The following ROBO2 variants were observed in gnomAD, a reference collection of about 807,000 sequenced individuals.
The protein encoded by ROBO2 is roundabout guidance receptor 2.
Under a neutral mutation model 160.8 loss-of-function variants are expected in ROBO2, and 53 were observed. That is an observed-to-expected ratio of 0.33 (90% CI 0.26 to 0.41). ROBO2 has a LOEUF of 0.41. ROBO2 is among the 10% of genes least tolerant of loss of function. ROBO2 has a pLI of 1.00. For missense variants in ROBO2, 1,577 were observed against 1,722.4 expected, an observed-to-expected ratio of 0.92 and a Z score of 1.49; for synonymous variants, 664 against 611.7, an observed-to-expected ratio of 1.09 and a Z score of -1.26.
At chr3:76,243,771 T>C (rs779289256) in intron 2 of ROBO2, among the ~76,000 whole-genome samples, 29 of 152,294 alleles carry the variant, frequency 1.9e-4, no homozygotes, top group Admixed American at 6.5e-4. Context: ...CTTGGGGTAA[T>C]TTATGCAGTG....
chr3:77,453,809 A>G (rs1055044052), intron 2 of ROBO2, among the ~76,000 whole-genome samples: 5 of 152,146 alleles, frequency 3.3e-5, no homozygotes, highest in African/African-American at 7.2e-5. Context: ...TAATTTAGCA[A>G]TTATGGGATT....
In ROBO2 at chr3:75,944,141, C is replaced by T. The variant is rs1177076053; in HGVS notation, c.109+6539C>T. On this transcript the variant is annotated intron_variant, in intron 2 of 26. Transcript: ENST00000487694. ...GGCAGAAGGAAAGAGGTTCCTTCTA[C>T]AAGCAGGCACACATCCTATCTCACT... Among the ~76,000 whole-genome samples the T allele has an allele frequency of 9.9e-5, 15 of 152,150 alleles. 1 individual carries two copies. The South Asian group carries it at 1.9e-3, about 19-fold the overall frequency.
At chr3:76,140,784 G>A (rs1038506077) in intron 2 of ROBO2, among the ~76,000 whole-genome samples, 1 of 151,058 alleles carries the variant, frequency 6.6e-6, no homozygotes, top group African/African-American at 2.4e-5. Context: ...GCTTCTAGAT[G>A]CCCATTATCC....
chr3:77,089,781 A>T (rs1363376935), intron 1 of ROBO2, among the ~76,000 whole-genome samples: 1 of 152,186 alleles, frequency 6.6e-6, no homozygotes, highest in Non-Finnish European at 1.5e-5. Context: ...AGAAAAAAAA[A>T]GTTATCTCAT....
intron 2 of ROBO2, among the ~76,000 whole-genome samples, chr3:76,057,091 A>C (rs1174767262): frequency 6.6e-6 from 1 of 152,204 alleles, no homozygotes; most frequent in Non-Finnish European, 1.5e-5. Flanking sequence ...TTTTATCATG[A>C]GGATGTGGAT....
chr3:76,309,099 G>C (rs1287549021), intron 2 of ROBO2, among the ~76,000 whole-genome samples: 1 of 152,032 alleles, frequency 6.6e-6, no homozygotes, highest in Non-Finnish European at 1.5e-5. Flanking sequence ...TCTTTGAAGA[G>C]GGATGGAGCC....
In ROBO2 at chr3:77,098,359, C is replaced by T. The variant is rs779020391; in HGVS notation, c.388+19C>T. The T allele has an allele frequency of 6.8e-6, 11 of 1,609,840 alleles. No individual in the cohort carries two copies. In the South Asian group the frequency reaches 8.8e-5, roughly 13 times the overall value. ...GTGGCATGTAAGTGAACATAATGAA[C>T]CTCATGTGCACATTTACTTTTATTT... On this transcript the variant is annotated intron_variant, in intron 2 of 25. Transcript: ENST00000461745.
chr3:76,258,191 G>A (rs1486817449), intron 2 of ROBO2, among the ~76,000 whole-genome samples: 13 of 151,468 alleles, frequency 8.6e-5, no homozygotes, highest in Admixed American at 7.9e-4. Context: ...CCATTTTATG[G>A]TGTCTTTGTA....
intron 2 of ROBO2, among the ~76,000 whole-genome samples, chr3:77,441,878 C>G (rs1331462329): frequency 5.9e-5 from 9 of 152,090 alleles, no homozygotes; most frequent in African/African-American, 2.2e-4. Context: ...TTTGCTGATG[C>G]TTATCAACGT....
At chr3:76,400,036 A>G (rs957087763) in intron 2 of ROBO2, among the ~76,000 whole-genome samples, 1 of 151,682 alleles carries the variant, frequency 6.6e-6, no homozygotes, top group Non-Finnish European at 1.5e-5. Context: ...TAAAGAATAT[A>G]TTCATTTTCT....
chr3:76,798,281 A>AAAGAAAGAAAGC (rs1369211032), intron 2 of ROBO2, among the ~76,000 whole-genome samples: 2 of 150,022 alleles, frequency 1.3e-5, no homozygotes, highest in Non-Finnish European at 3.0e-5. Flanking sequence ...AGAAAGAAAG[A>AAAGAAAGAAAGC]AAGAAAGAAA....
intron 1 of ROBO2, among the ~76,000 whole-genome samples, chr3:75,926,059 A>G (rs1947280545): frequency 6.6e-6 from 1 of 152,210 alleles, no homozygotes; most frequent in Non-Finnish European, 1.5e-5. Flanking sequence ...GTAAAACAGA[A>G]AAAAAATCTG....
intron 2 of ROBO2, among the ~76,000 whole-genome samples, chr3:76,819,597 A>G (rs1438214089): frequency 6.6e-6 from 1 of 152,026 alleles, no homozygotes; most frequent in African/African-American, 2.4e-5. Flanking sequence ...ACAAAGCAAT[A>G]AACATGGCAG....
In ROBO2 at chr3:76,552,453, A is replaced by G. The variant is rs373752376; in HGVS notation, c.110-545561A>G. 2.8e-4 allele frequency among the ~76,000 whole-genome samples: 42 copies of G among 152,338 alleles called. 2 individuals are homozygous for G. The highest frequency in any genetic ancestry group is 2.7e-3 in the South Asian group (13 of 4,832). ...TAGGAGTATTCATCTTAGAAGAAGT[A>G]ACCAGCTTCTCTCCTTTTCATATAA... On this transcript the variant is annotated intron_variant, in intron 2 of 26. Transcript: ENST00000487694.
rs114755932 is a variant in ROBO2 at position 77,324,321 on chromosome 3, G to A, written c.389-153093G>A. On this transcript the variant is annotated intron_variant, in intron 2 of 25. Transcript: ENST00000461745. The stretch of plus-strand genomic sequence containing the variant: ...TGAAGCCCTTAAGTGCTACTAAAAG[G>A]TCTTTACCAACTGTGATGAAAAACT... 9.9e-3 allele frequency among the ~76,000 whole-genome samples: 1,503 copies of A among 152,268 alleles called. 14 individuals carry two copies. The highest frequency in any genetic ancestry group is 0.02 in the Middle Eastern group (6 of 294).
chr3:76,160,307 C>G (rs1178691045), intron 2 of ROBO2, among the ~76,000 whole-genome samples: 1 of 152,150 alleles, frequency 6.6e-6, no homozygotes, highest in African/African-American at 2.4e-5. Context: ...AGCTCTGCTC[C>G]TATCTGCAGG....
At chr3:77,433,527 T>C (rs2079007522) in intron 2 of ROBO2, among the ~76,000 whole-genome samples, 2 of 143,582 alleles carry the variant, frequency 1.4e-5, no homozygotes, top group Admixed American at 1.4e-4. Flanking sequence ...TATTTCTCCT[T>C]CATCTAATCT....
intron 2 of ROBO2, among the ~76,000 whole-genome samples, chr3:77,250,452 C>T (rs751925763): frequency 3.3e-5 from 5 of 152,178 alleles, no homozygotes; most frequent in Admixed American, 1.3e-4. Context: ...CACACCTTCT[C>T]CTGCTGGCGA....
chr3:76,896,557 C>T (rs558125733), intron 2 of ROBO2, among the ~76,000 whole-genome samples: 2 of 152,052 alleles, frequency 1.3e-5, no homozygotes, highest in Admixed American at 6.6e-5. Context: ...TGCACCTTCA[C>T]ATATTTAAAT....
Sources: allele counts gnomAD v4.1 joint callset (sites outside exome capture counted in the v4.1 genomes callset), GRCh38; gene constraint gnomAD v4.1.1; transcripts MANE v1.5; gene names NCBI Gene and HGNC (gene_info 2026-07-23, HGNC 2026-07-21).